The following MAGI2 variants were observed in gnomAD, a reference collection of about 807,000 sequenced individuals.
MAGI2 encodes the protein membrane associated guanylate kinase, WW and PDZ domain containing 2.
MAGI2 carries 35 observed loss-of-function variants against 133.3 expected under a neutral mutation model. The observed-to-expected ratio is 0.26, with a 90% CI of 0.20 to 0.35. MAGI2 has a LOEUF of 0.35. Among genes scored for constraint, MAGI2 ranks in the 10% least tolerant of loss-of-function variants. MAGI2 has a pLI of 1.00. For synonymous variants in MAGI2, 729 were observed against 710.6 expected, an observed-to-expected ratio of 1.03 and a Z score of -0.41; for missense variants, 1,636 against 1,863.4, an observed-to-expected ratio of 0.88 and a Z score of 2.25.
At chr7:78,260,551 T>TGGAGAA (rs1793419194) in intron 9 of MAGI2, among the ~76,000 whole-genome samples, 1 of 152,210 alleles carries the variant, frequency 6.6e-6, no homozygotes, top group South Asian at 2.1e-4. Flanking sequence ...TATAATTTTA[T>TGGAGAA]CAAATTTTTT....
chr7:79,133,146 A>T (rs1376202653), intron 1 of MAGI2, among the ~76,000 whole-genome samples: 1 of 152,148 alleles, frequency 6.6e-6, no homozygotes, highest in Non-Finnish European at 1.5e-5. Context: ...AAAGCTTTGT[A>T]GTTTAATTCA....
chr7:78,447,860 C>T (rs989080801), intron 6 of MAGI2, among the ~76,000 whole-genome samples: 1 of 152,100 alleles, frequency 6.6e-6, no homozygotes, highest in African/African-American at 2.4e-5. Context: ...GTGCAGTAGA[C>T]AAAACTTATT....
At chr7:78,512,086 G>A (rs1468565643) in intron 4 of MAGI2, among the ~76,000 whole-genome samples, 1 of 150,968 alleles carries the variant, frequency 6.6e-6, no homozygotes, top group African/African-American at 2.4e-5. Flanking sequence ...TCGTGCCACT[G>A]CACTCCAGCC....
intron 12 of MAGI2, among the ~76,000 whole-genome samples, chr7:78,192,837 T>A (rs558632066): frequency 6.6e-6 from 1 of 152,016 alleles, no homozygotes; most frequent in Non-Finnish European, 1.5e-5. Flanking sequence ...AGGAAGGGGT[T>A]GTGATGAGGC....
chr7:78,180,710 C>T (rs1827107951), intron 13 of MAGI2, among the ~76,000 whole-genome samples: 1 of 151,836 alleles, frequency 6.6e-6, no homozygotes, highest in African/African-American at 2.4e-5. Flanking sequence ...CTCTTCCATT[C>T]TTCCCAGCAG....
At chr7:78,791,634 C>G (rs551978371) in intron 2 of MAGI2, among the ~76,000 whole-genome samples, 1 of 151,602 alleles carries the variant, frequency 6.6e-6, no homozygotes, top group Non-Finnish European at 1.5e-5. Flanking sequence ...CTCGGCCTCC[C>G]GGGATCAAGG....
chr7:79,335,952 G>C (rs775827633), intron 1 of MAGI2, among the ~76,000 whole-genome samples: 7 of 151,878 alleles, frequency 4.6e-5, no homozygotes, highest in Non-Finnish European at 7.4e-5. Context: ...TTATTTGGGG[G>C]CCTCACCTGA....
intron 12 of MAGI2, 108 bp downstream of exon 12, chr7:78,194,766 T>G: frequency 1.0e-6 from 1 of 960,134 alleles, no homozygotes; most frequent in Non-Finnish European, 1.5e-6. Context: ...TGAAACACTT[T>G]TGAAACTCAG....
At chr7:78,574,794 T>A (rs950343950) in intron 3 of MAGI2, among the ~76,000 whole-genome samples, 2 of 152,240 alleles carry the variant, frequency 1.3e-5, no homozygotes, top group African/African-American at 4.8e-5. Flanking sequence ...ACAGGAAGGT[T>A]TGAAATTCAA....
chr7:78,374,180 C>T (rs1159241431), intron 6 of MAGI2, among the ~76,000 whole-genome samples: 1 of 152,102 alleles, frequency 6.6e-6, no homozygotes, highest in Non-Finnish European at 1.5e-5. Context: ...TGTCAAACTG[C>T]TTTCCATGTA....
chr7:78,105,260 T>A (rs1274468735), intron 20 of MAGI2, among the ~76,000 whole-genome samples: 2 of 152,228 alleles, frequency 1.3e-5, no homozygotes, highest in Admixed American at 1.3e-4. Flanking sequence ...TTCTTGTTGA[T>A]GGTCATTAGG....
intron 1 of MAGI2, among the ~76,000 whole-genome samples, chr7:79,063,499 T>A (rs994947739): frequency 6.6e-6 from 1 of 152,066 alleles, no homozygotes; most frequent in Non-Finnish European, 1.5e-5. Flanking sequence ...ACACCCCTAG[T>A]GGCCAGCTAA....
intron 2 of MAGI2, among the ~76,000 whole-genome samples, chr7:78,799,699 G>A (rs1015414462): frequency 6.6e-6 from 1 of 152,138 alleles, no homozygotes; most frequent in Admixed American, 6.6e-5. Flanking sequence ...CAGTTTTAAA[G>A]TAGTAAGTCT....
At chr7:79,431,123 G>A (rs1585957617) in intron 1 of MAGI2, among the ~76,000 whole-genome samples, 2 of 152,236 alleles carry the variant, frequency 1.3e-5, no homozygotes, top group East Asian at 3.9e-4. Flanking sequence ...AAATAAATCT[G>A]CAACTCAAGT....
chr7:78,853,509 C>A (rs1191878950), intron 2 of MAGI2, among the ~76,000 whole-genome samples: 1 of 151,512 alleles, frequency 6.6e-6, no homozygotes, highest in Admixed American at 6.6e-5. Flanking sequence ...ACACATGCCA[C>A]AAAGCCTGGC....
At chr7:78,945,150 C>G (rs1204643214) in intron 2 of MAGI2, among the ~76,000 whole-genome samples, 1 of 152,030 alleles carries the variant, frequency 6.6e-6, no homozygotes, top group Non-Finnish European at 1.5e-5. Flanking sequence ...CAACCTCCCC[C>G]TCCCCGGTTC....
intron 1 of MAGI2, among the ~76,000 whole-genome samples, chr7:79,308,833 G>T (rs1458205947): frequency 6.6e-6 from 1 of 152,080 alleles, no homozygotes; most frequent in African/African-American, 2.4e-5. Context: ...GAAAATAAGG[G>T]TTAAATTAAA....
chr7:79,031,478 T>C (rs1810569064), intron 1 of MAGI2, among the ~76,000 whole-genome samples: 1 of 152,178 alleles, frequency 6.6e-6, no homozygotes. Context: ...TCACATTATG[T>C]CTCAAAATAT....
intron 1 of MAGI2, among the ~76,000 whole-genome samples, chr7:79,322,005 A>G (rs1839220157): frequency 6.6e-6 from 1 of 152,206 alleles, no homozygotes; most frequent in African/African-American, 2.4e-5. Flanking sequence ...AACAGTGGCA[A>G]TAAAAGCCTG....
Sources: gnomAD v4.1 joint callset for allele counts (sites outside exome capture counted in the v4.1 genomes callset) on GRCh38, gnomAD v4.1.1 for gene constraint, MANE v1.5 for transcripts, NCBI Gene and HGNC (gene_info 2026-07-23, HGNC 2026-07-21) for gene names.